Variants in FN1 observed in about 807,000 individuals in gnomAD.
The protein encoded by FN1 is fibronectin.
Under a neutral mutation model 297.3 loss-of-function variants are expected in FN1, and 106 were observed. The observed-to-expected ratio is 0.36, with a 90% CI of 0.30 to 0.42. The LOEUF (loss-of-function observed/expected upper bound fraction) is 0.42, where lower values mean the gene tolerates loss of function less well. Ranked by LOEUF, FN1 falls within the 10% of genes least tolerant of loss-of-function variation. The pLI is 1.00. For missense variants in FN1, 2,690 were observed against 3,124.9 expected (o/e 0.86, Z 3.32); for synonymous variants, 1,149 against 1,152.6 (o/e 1.00, Z 0.06).
intron 34 of FN1, 123 bp from the exon 35 acceptor site, chr2:215,378,385 A>G: frequency 1.4e-6 from 1 of 697,372 alleles, no homozygotes; most frequent in Non-Finnish European, 2.6e-6. Flanking sequence ...AGCAAAACCC[A>G]CAACCTTGAA....
At chr2:215,375,607 C>A in intron 37 of FN1, 22 bp downstream of exon 37, 1 of 1,536,120 alleles carries the variant, frequency 6.5e-7, no homozygotes, top group Middle Eastern at 1.7e-4. Context: ...AATGGCATTT[C>A]CTCAGTAGAA....
rs11411384 is a variant in FN1 at position 215,420,368 on chromosome 2, C to CA, written c.1675+304dup. 0.28 allele frequency among the ~76,000 whole-genome samples: 39,985 copies of CA among 143,434 alleles called. 6,782 individuals are homozygous for CA. Among genetic ancestry groups the CA allele is most frequent in the East Asian group, 0.92 (4,648 of 5,060 alleles). 94.1% of individuals were successfully genotyped at this position (143,434 alleles called of 152,430 possible). On this transcript the variant is annotated intron_variant, in intron 11 of 45. Coordinates refer to ENST00000354785, the MANE Select transcript of FN1 (RefSeq NM_212482.4). The stretch of plus-strand genomic sequence containing the variant: ...AAACAAAAACAAAAACAAAAACAAA[C>CA]AAAAAAAAAAGGAAAGAATACTTTT...
intron 12 of FN1, among the ~76,000 whole-genome samples, chr2:215,416,606 C>T (rs2063466341): frequency 6.6e-6 from 1 of 152,102 alleles, no homozygotes; most frequent in African/African-American, 2.4e-5. Context: ...AATCCTACTA[C>T]AATTTCCTCC....
In FN1 at chr2:215,430,801, G is replaced by T. The variant is rs761391133; in HGVS notation, c.599C>A (p.Thr200Lys). The change falls in exon 5 of 46, where the codon ACG becomes AAG. Residue 200 changes from threonine (T) to lysine (K), a missense_variant. Thr to Lys is a moderately conservative substitution (Grantham distance 78). Transcript: ENST00000354785. The stretch of plus-strand genomic sequence containing the variant: ...CCAGCCTTGGTAGGGCTTCTCCCAC[G>T]TTTCTCCGACCACATAGGAAGTCCC... ...AAGTSYVVGE[T>K]WEKPYQGWMM... 1.1e-5 allele frequency: 18 copies of T among 1,613,930 alleles called. No individual in the cohort carries two copies. Among genetic ancestry groups the T allele is most frequent in the Admixed American group, 1.7e-5 (1 of 59,994 alleles).
At chr2:215,376,288 C>T (rs772525710) in intron 36 of FN1, among the ~76,000 whole-genome samples, 4 of 152,222 alleles carry the variant, frequency 2.6e-5, no homozygotes, top group South Asian at 2.1e-4. Context: ...TTGACACTTA[C>T]GCAATTTCCA....
Position 215,418,252 on chromosome 2 carries a change from A to C in FN1, c.1819+990T>G, listed in dbSNP as rs538188634. On this transcript the variant is annotated intron_variant, in intron 12 of 45. Coordinates refer to ENST00000354785, the MANE Select transcript of FN1 (RefSeq NM_212482.4). Reference sequence around the variant, plus strand: ...CTAGAAAAGGTGCATCTGGGTGTTTAGTATTTAGGATGGAACATTAAAGGT... The same window carrying C: ...CTAGAAAAGGTGCATCTGGGTGTTTCGTATTTAGGATGGAACATTAAAGGT... 2.0e-5 allele frequency among the ~76,000 whole-genome samples: 3 copies of C among 152,314 alleles called. No homozygotes were observed. In the East Asian group the frequency reaches 5.8e-4, roughly 29 times the overall value.
chr2:215,423,750 C>CG (rs1190955092), intron 8 of FN1, among the ~76,000 whole-genome samples: 1 of 87,734 alleles, frequency 1.1e-5, no homozygotes, highest in East Asian at 0.019. Flanking sequence ...TTCCCCAGCA[C>CG]CCCCCCCACA....
intron 33 of FN1, chr2:215,379,579 G>A: frequency 3.0e-6 from 1 of 338,914 alleles, no homozygotes; most frequent in Non-Finnish European, 5.4e-6. Flanking sequence ...AGAGATTTTA[G>A]GTTTTACAAG....
chr2:215,421,058 T>C, intron 10 of FN1: 2 of 443,280 alleles, frequency 4.5e-6, no homozygotes. Context: ...AAGAATGTGG[T>C]AAAATACACT....
In FN1 at chr2:215,375,400, G is replaced by T. The variant is rs1225428207; in HGVS notation, c.5978-7C>A. 2 of 1,597,792 alleles carry T rather than the reference G, an allele frequency of 1.3e-6. No individual in the cohort carries two copies. Among genetic ancestry groups the T allele is most frequent in the Non-Finnish European group, 1.7e-6 (2 of 1,175,444 alleles). On this transcript the variant is annotated splice_region_variant and splice_polypyrimidine_tract_variant and intron_variant, in intron 37 of 45. Transcript: ENST00000354785. ...TTGGATGGTGCATCAATGGCTGAAA[G>T]AAAACAAAATTAAGTCTCTAAGAAG...
intron 13 of FN1, among the ~76,000 whole-genome samples, chr2:215,412,760 C>A (rs1285679426): frequency 1.0e-5 from 1 of 97,572 alleles, no homozygotes; most frequent in Admixed American, 9.7e-5. Context: ...TATTAAGTAT[C>A]TTTTTTTTTT....
rs760241240 is a variant in FN1, at chr2:215,394,622, A to T, written c.3702T>A (p.Phe1234Leu). The T allele has an allele frequency of 1.2e-6, 2 of 1,614,158 alleles. No homozygotes were observed. Among genetic ancestry groups the T allele is most frequent in the Admixed American group, 3.3e-5 (2 of 60,026 alleles). The change falls in exon 24 of 46, where the codon TTT (phenylalanine) becomes TTA (leucine). Residue 1234 changes from phenylalanine to leucine, a missense_variant. Transcript: ENST00000354785. ...ACTCCAGGCCGGGACTCAGGTTATCAAAAGTGCAGGAGCTCTGATCAGCAT... is the reference window on the plus strand; with the variant it reads ...ACTCCAGGCCGGGACTCAGGTTATCTAAAGTGCAGGAGCTCTGATCAGCAT... Reference protein sequence around the residue: ...VVHADQSSCTFDNLSPGLEYN... With the variant: ...VVHADQSSCTLDNLSPGLEYN...
At chr2:215,390,104 C>T (rs1373369106) in intron 26 of FN1, among the ~76,000 whole-genome samples, 1 of 152,224 alleles carries the variant, frequency 6.6e-6, no homozygotes, top group East Asian at 1.9e-4. Context: ...GGACCAGATG[C>T]CTGGATTCCA....
At chr2:215,400,336 C>T (rs1311051134) in intron 20 of FN1, among the ~76,000 whole-genome samples, 1 of 152,156 alleles carries the variant, frequency 6.6e-6, no homozygotes, top group Non-Finnish European at 1.5e-5. Context: ...ACTTTAAATA[C>T]GTGATTATTC....
intron 13 of FN1, 44 bp downstream of exon 13, chr2:215,414,793 G>T (rs2063206421): frequency 6.2e-7 from 1 of 1,613,008 alleles, no homozygotes; most frequent in South Asian, 1.1e-5. Context: ...GAATTGATAA[G>T]ATTAGGAGAC....
At position 215,361,960 on chromosome 2, in the gene FN1, T is replaced by C. The variant is rs1040978896; in HGVS notation, c.7362+9A>G. Reference sequence around the variant, plus strand: ...TGAGGGAACACACTTGTGCTGCTAATGCACTTACAGTGTTTGTTCTCTGAT... The same window carrying C: ...TGAGGGAACACACTTGTGCTGCTAACGCACTTACAGTGTTTGTTCTCTGAT... On this transcript the variant is annotated intron_variant, in intron 45 of 45. Coordinates refer to ENST00000354785, the MANE Select transcript of FN1 (RefSeq NM_212482.4). The C allele has an allele frequency of 5.0e-6, 8 of 1,611,692 alleles. No individual in the cohort carries two copies. The African/African-American group carries it at 9.4e-5, about 19-fold the overall frequency.
At chr2:215,413,216 T>A (rs2062932351) in intron 13 of FN1, among the ~76,000 whole-genome samples, 1 of 152,070 alleles carries the variant, frequency 6.6e-6, no homozygotes, top group Non-Finnish European at 1.5e-5. Context: ...GCCTCCTGGG[T>A]TCAAGTGATT....
chr2:215,385,789 T>C (rs1326590484), intron 28 of FN1, among the ~76,000 whole-genome samples: 1 of 149,566 alleles, frequency 6.7e-6, no homozygotes. Context: ...TTTTTTTTTT[T>C]TTTTTTTGAG....
In FN1 at chr2:215,372,147, G is replaced by C. The variant is rs1348474211; in HGVS notation, c.6476C>G (p.Pro2159Arg). Residue 2159 changes from proline (P) to arginine (R), a missense_variant, in exon 40 of 46, where the codon CCC becomes CGC. This residue lies in a region of FN1 where 1,743 missense variants were observed against 1,945.2 expected (regional missense o/e 0.90). Coordinates refer to ENST00000354785, the MANE Select transcript of FN1 (RefSeq NM_212482.4). ...GTATGGTCTTGGCCTATGCCTTATGGGGGTGGCCGTTGTGGGCGGTGTGGT... is the reference window on the plus strand; with the variant it reads ...GTATGGTCTTGGCCTATGCCTTATGCGGGTGGCCGTTGTGGGCGGTGTGGT... ...RRTTPPTTATPIRHRPRPYPP... is the reference protein window; with the variant it reads ...RRTTPPTTATRIRHRPRPYPP... 3 of 1,614,218 alleles carry C rather than the reference G, an allele frequency of 1.9e-6. No individual in the cohort carries two copies. Among genetic ancestry groups the C allele is most frequent in the Non-Finnish European group, 2.5e-6 (3 of 1,180,040 alleles).
Sources: allele counts gnomAD v4.1 joint callset (sites outside exome capture counted in the v4.1 genomes callset), GRCh38; gene constraint gnomAD v4.1.1; regional missense constraint gnomAD v4.1.1; transcripts MANE v1.5; gene names NCBI Gene and HGNC (gene_info 2026-07-23, HGNC 2026-07-21).